The following FRS2 variants were observed in gnomAD, a reference collection of about 807,000 sequenced individuals.
FRS2 encodes the protein FGFR signalling adaptor.
Under a neutral mutation model 43.9 loss-of-function variants are expected in FRS2, and 8 were observed. The observed-to-expected ratio is 0.18, with a 90% confidence interval of 0.11 to 0.33. The LOEUF (loss-of-function observed/expected upper bound fraction) is 0.33. Among genes scored for constraint, FRS2 ranks in the 10% least tolerant of loss-of-function variants. The pLI is 1.00. For synonymous variants in FRS2, 219 were observed against 220.3 expected (o/e 0.99, Z 0.05); for missense variants, 534 against 627.6 (o/e 0.85, Z 1.59).
intron 1 of FRS2, among the ~76,000 whole-genome samples, chr12:69,519,837 C>G (rs766328477): frequency 7.2e-5 from 11 of 152,142 alleles, no homozygotes; most frequent in Non-Finnish European, 1.6e-4. Flanking sequence ...GATTCTGTGT[C>G]TTTGCTATTG....
chr12:69,535,445 C>T (rs1233943792), intron 3 of FRS2, among the ~76,000 whole-genome samples: 1 of 152,052 alleles, frequency 6.6e-6, no homozygotes, highest in Non-Finnish European at 1.5e-5. Flanking sequence ...AGTGGCAGCC[C>T]TGTATTACAT....
At chr12:69,553,746 G>T (rs1565769937) in intron 3 of FRS2, among the ~76,000 whole-genome samples, 1 of 152,314 alleles carries the variant, frequency 6.6e-6, no homozygotes, top group Non-Finnish European at 1.5e-5. Context: ...TAAGGAATGG[G>T]CGTAGGTGGT....
At chr12:69,522,318 G>T (rs904343216) in intron 1 of FRS2, among the ~76,000 whole-genome samples, 4 of 150,142 alleles carry the variant, frequency 2.7e-5, no homozygotes, top group African/African-American at 7.3e-5. Flanking sequence ...AGTTTTTTTG[G>T]AATAGTTTCA....
chr12:69,574,632 G>C lies in FRS2; in HGVS notation c.1204G>C (p.Ala402Pro). 6.2e-7 allele frequency: 1 copy of C among 1,614,146 alleles called. No individual in the cohort carries two copies. ...AAATACAGAGAATGTAACAGTGCCA[G>C]CAAGTGCTCACAAAATAGAATATTC... ...YVNTENVTVP[A>P]SAHKIEYSRR... The change falls in exon 9 of 9, where the codon GCA (alanine) becomes CCA (proline). Residue 402 changes from alanine to proline, a missense_variant. Around this residue, in one of 3 missense-constraint regions of FRS2, gnomAD observed 446 missense variants for 494.2 expected, o/e 0.90. Coordinates refer to ENST00000549921, the MANE Select transcript of FRS2 (RefSeq NM_001278356.2).
intron 1 of FRS2, among the ~76,000 whole-genome samples, chr12:69,479,466 C>T (rs1164321057): frequency 6.8e-6 from 1 of 147,266 alleles, no homozygotes; most frequent in East Asian, 2.1e-4. Flanking sequence ...GGCGCGATCT[C>T]AGCTCACTGC....
chr12:69,528,718 A>G (rs1876504199), intron 1 of FRS2, among the ~76,000 whole-genome samples: 1 of 152,242 alleles, frequency 6.6e-6, no homozygotes, highest in East Asian at 1.9e-4. Context: ...TTTATAATTT[A>G]CTATTCTTTA....
In FRS2 at chr12:69,486,732, A is replaced by G. The variant is rs936655553; in HGVS notation, c.-261+16202A>G. Among the ~76,000 whole-genome samples, 3 of 152,220 alleles carry G rather than the reference A, an allele frequency of 2.0e-5. 1 individual carries two copies. Among genetic ancestry groups the G allele is most frequent in the Non-Finnish European group, 4.4e-5 (3 of 68,036 alleles). On this transcript the variant is annotated intron_variant, in intron 1 of 8. Transcript: ENST00000549921. ...CTACTCCAGTGAACATCCAGATGAT[A>G]AGAAAGTGAAAGTCTTATTGCTGGT...
At position 69,491,534 on chromosome 12, in the gene FRS2, A is replaced by T. The variant is rs188764699; in HGVS notation, c.-261+21004A>T. On this transcript the variant is annotated intron_variant, in intron 1 of 8. Transcript: ENST00000549921. The stretch of plus-strand genomic sequence containing the variant: ...TTTTTTTTTTTTTTTTTTTTTGGAG[A>T]CAGGTACCCAGGCTGAAGTGCAGTG... 2.6e-4 allele frequency: 26 copies of T among 101,928 alleles called. No individual in the cohort carries two copies. In the East Asian group the frequency reaches 5.1e-3, roughly 20 times the overall value. 6.3% of individuals were successfully genotyped at this position (101,928 alleles called of 1,614,324 possible). A position where few individuals can be genotyped will look rare whatever the true frequency, so the allele number is the denominator to read the frequency against.
intron 3 of FRS2, among the ~76,000 whole-genome samples, chr12:69,550,489 T>A (rs1472299566): frequency 6.6e-6 from 1 of 152,246 alleles, no homozygotes; most frequent in Non-Finnish European, 1.5e-5. Context: ...GTCTTACATA[T>A]TTTAACTAAG....
chr12:69,553,173 A>C (rs924703361), intron 3 of FRS2, among the ~76,000 whole-genome samples: 13 of 151,982 alleles, frequency 8.6e-5, no homozygotes, highest in Admixed American at 7.9e-4. Flanking sequence ...CCAGGTACAC[A>C]AGATTCTCCT....
intron 1 of FRS2, among the ~76,000 whole-genome samples, chr12:69,513,802 G>A (rs933051421): frequency 6.6e-6 from 1 of 152,070 alleles, no homozygotes; most frequent in Admixed American, 6.6e-5. Context: ...TTGGTTTTAG[G>A]CATGGTGGAA....
intron 3 of FRS2, among the ~76,000 whole-genome samples, chr12:69,533,259 A>C (rs2135671646): frequency 6.6e-6 from 1 of 152,336 alleles, no homozygotes; most frequent in East Asian, 1.9e-4. Context: ...TCAAAGGAAC[A>C]TTTATTAATG....
chr12:69,535,626 T>C (rs1877198046), intron 3 of FRS2, among the ~76,000 whole-genome samples: 1 of 152,212 alleles, frequency 6.6e-6, no homozygotes, highest in Admixed American at 6.5e-5. Flanking sequence ...AAATGTTCCA[T>C]GTGTATTTAG....
chr12:69,479,035 A>C (rs371445044), intron 1 of FRS2, among the ~76,000 whole-genome samples: 1 of 151,878 alleles, frequency 6.6e-6, no homozygotes, highest in Non-Finnish European at 1.5e-5. Context: ...CTGACCTCCA[A>C]CAAATGAGAT....
At chr12:69,510,682 C>G (rs1326113029) in intron 1 of FRS2, among the ~76,000 whole-genome samples, 3 of 152,084 alleles carry the variant, frequency 2.0e-5, no homozygotes, top group Non-Finnish European at 2.9e-5. Flanking sequence ...AAGAAACAAG[C>G]AAGTTTCTTT....
At chr12:69,536,511 ATCTT>A (rs1272613631) in intron 3 of FRS2, among the ~76,000 whole-genome samples, 1 of 150,124 alleles carries the variant, frequency 6.7e-6, no homozygotes, top group Non-Finnish European at 1.5e-5. Flanking sequence ...CTGAATGACA[ATCTT>A]TATTTTTTAA....
At position 69,578,276 on chromosome 12, in the gene FRS2, TG is replaced by T. The variant is rs1305390542; in HGVS notation, c.*3323del. The stretch of plus-strand genomic sequence containing the variant: ...CATCATTCACAAGTAACTGATGTAT[TG>T]GCATCTCATTCATATTTCTGATGTG... On this transcript the variant is annotated 3_prime_UTR_variant, in exon 9 of 9. Coordinates refer to ENST00000549921, the MANE Select transcript of FRS2 (RefSeq NM_001278356.2). 6.6e-6 allele frequency: 1 copy of T among 152,640 alleles called. No individual in the cohort carries two copies. The highest frequency in any genetic ancestry group is 1.5e-5 in the Non-Finnish European group (1 of 68,020). 9.5% of individuals were successfully genotyped at this position (152,640 alleles called of 1,614,324 possible). A position where few individuals can be genotyped will look rare whatever the true frequency, so the allele number is the denominator to read the frequency against.
chr12:69,557,619 T>TGCGCGCAC (rs1555192506), intron 3 of FRS2, among the ~76,000 whole-genome samples: 136 of 119,026 alleles, frequency 1.1e-3, no homozygotes, highest in Middle Eastern at 4.2e-3. Flanking sequence ...TGTGTGTGTG[T>TGCGCGCAC]GCGCGCGCGC....
At chr12:69,534,010 C>T (rs1159457733) in intron 3 of FRS2, among the ~76,000 whole-genome samples, 3 of 152,088 alleles carry the variant, frequency 2.0e-5, no homozygotes, top group African/African-American at 7.2e-5. Context: ...ACATTTAAGC[C>T]TGTGGAAAGA....
Sources: allele counts gnomAD v4.1 joint callset (sites outside exome capture counted in the v4.1 genomes callset), GRCh38; gene constraint gnomAD v4.1.1; regional missense constraint gnomAD v4.1.1; transcripts MANE v1.5; gene names NCBI Gene and HGNC (gene_info 2026-07-23, HGNC 2026-07-21).